Variants in MYO1F observed in about 807,000 individuals in gnomAD.
MYO1F encodes the protein myosin IF, also known as unconventional myosin-If.
In MYO1F, 60 loss-of-function variants were observed where a neutral mutation model predicts 146.6. That is an observed-to-expected ratio of 0.41 (90% confidence interval 0.33 to 0.51). The LOEUF is 0.51. Among genes scored for constraint, MYO1F ranks in the 20% least tolerant of loss-of-function variants. MYO1F has a pLI of 0.25. For missense variants in MYO1F, 1,274 were observed against 1,534.3 expected (o/e 0.83, Z 2.83); for synonymous variants, 602 against 602.1 (o/e 1.00, Z 0.00).
intron 1 of MYO1F, among the ~76,000 whole-genome samples, chr19:8,561,396 T>C (rs201247952): frequency 0.034 from 3,660 of 107,318 alleles, 82 homozygotes; most frequent in East Asian, 0.089. Context: ...CTTCTTTCCT[T>C]CCTTCCTTTC....
intron 15 of MYO1F, among the ~76,000 whole-genome samples, chr19:8,541,403 T>TTGTGTG: frequency 7.7e-6 from 1 of 130,514 alleles, no homozygotes; most frequent in Non-Finnish European, 1.5e-5. Context: ...GCTATGTTCT[T>TTGTGTG]TGTGTGTGTG....
chr19:8,526,878 C>T lies in MYO1F; in HGVS notation c.2532G>A (p.Glu844=), dbSNP rs375065925. 17 of 1,613,948 alleles carry T rather than the reference C, an allele frequency of 1.1e-5. No homozygotes were observed. The highest frequency in any genetic ancestry group is 1.4e-5 in the Non-Finnish European group (16 of 1,180,034). Residue 844 remains glutamate (E), a synonymous_variant, in exon 23 of 28, where the codon GAG becomes GAA. Coordinates refer to ENST00000644032, the MANE Select transcript of MYO1F (RefSeq NM_012335.4). ...TGACAAACTCGGTCTTGAAGACGCT[C>T]TCCAGGAAGCTGTCGGCGGCATCCT... ...LQEDAADSFL[E]SVFKTEFVSL...
chr19:8,525,515 G>C lies in MYO1F; in HGVS notation c.2818C>G (p.Gln940Glu). ...GCAGGGGCCGCCCGGGTAGGGGCTT[G>C]GGACGACCTCCGAGGTTTTCCCTTG... Reference protein sequence around the residue: ...MAKGKPRRSSQAPTRAAPAPP... With the variant: ...MAKGKPRRSSEAPTRAAPAPP... The change falls in exon 25 of 28, where the codon CAA (glutamine) becomes GAA (glutamate). Residue 940 changes from glutamine (Q) to glutamate (E), a missense_variant. By Grantham distance (29) the Gln-to-Glu change is conservative. This residue lies in a region of MYO1F where 374 missense variants were observed against 379.2 expected (regional missense o/e 0.99). Coordinates refer to ENST00000644032, the MANE Select transcript of MYO1F (RefSeq NM_012335.4). 6.2e-6 allele frequency: 10 copies of C among 1,613,532 alleles called. No homozygotes were observed. Among genetic ancestry groups the C allele is most frequent in the Non-Finnish European group, 8.5e-6 (10 of 1,179,964 alleles).
intron 1 of MYO1F, among the ~76,000 whole-genome samples, chr19:8,564,809 G>C (rs2041972677): frequency 6.6e-6 from 1 of 151,696 alleles, no homozygotes; most frequent in South Asian, 2.1e-4. Flanking sequence ...GTCTCGCTCT[G>C]TCACCCAGGC....
intron 19 of MYO1F, among the ~76,000 whole-genome samples, chr19:8,535,041 A>G (rs1240903693): frequency 1.3e-5 from 2 of 151,910 alleles, no homozygotes; most frequent in Admixed American, 6.6e-5. Flanking sequence ...CCTCCTGAGT[A>G]GCTGGTATTA....
chr19:8,571,421 C>CT (rs1293646512), intron 1 of MYO1F, among the ~76,000 whole-genome samples: 4,643 of 144,736 alleles, frequency 0.032, 204 homozygotes, highest in African/African-American at 0.099. Flanking sequence ...CTCTCTCTCT[C>CT]TTTTTTTTTT....
At chr19:8,565,212 A>G (rs2041981253) in intron 1 of MYO1F, among the ~76,000 whole-genome samples, 1 of 151,626 alleles carries the variant, frequency 6.6e-6, no homozygotes. Context: ...CATTTTCAAG[A>G]TGGGGAGACC....
intron 1 of MYO1F, among the ~76,000 whole-genome samples, chr19:8,558,794 T>C (rs1230604313): frequency 6.6e-6 from 1 of 152,018 alleles, no homozygotes; most frequent in Admixed American, 6.6e-5. Context: ...CTTTTCTCTG[T>C]CAAATGAACA....
intron 19 of MYO1F, among the ~76,000 whole-genome samples, chr19:8,531,755 C>T (rs770141031): frequency 6.6e-6 from 1 of 152,206 alleles, no homozygotes; most frequent in Non-Finnish European, 1.5e-5. Context: ...CCACGAGGTA[C>T]ACTGCCGTGT....
intron 14 of MYO1F, chr19:8,544,024 C>A: frequency 7.0e-6 from 2 of 285,032 alleles, no homozygotes; most frequent in Non-Finnish European, 1.2e-5. Context: ...GTGGCGGTGG[C>A]GGTGGCGGTG....
At chr19:8,562,500 T>C (rs748440386) in intron 1 of MYO1F, among the ~76,000 whole-genome samples, 2 of 152,028 alleles carry the variant, frequency 1.3e-5, no homozygotes, top group Non-Finnish European at 2.9e-5. Context: ...TTCAGTGTGC[T>C]AAGAGCTCAA....
intron 21 of MYO1F, among the ~76,000 whole-genome samples, chr19:8,528,806 T>C (rs1175179438): frequency 6.6e-6 from 1 of 151,904 alleles, no homozygotes; most frequent in Admixed American, 6.6e-5. Context: ...GTCAGGTAAA[T>C]AGGAGTATCT....
intron 21 of MYO1F, among the ~76,000 whole-genome samples, chr19:8,528,235 C>G (rs1224230022): frequency 7.0e-6 from 1 of 142,954 alleles, no homozygotes; most frequent in East Asian, 2.2e-4. Flanking sequence ...AACAAACAAA[C>G]AAAAAATAAC....
intron 1 of MYO1F, among the ~76,000 whole-genome samples, chr19:8,567,205 T>C (rs188151158): frequency 7.0e-4 from 107 of 151,846 alleles, no homozygotes; most frequent in Non-Finnish European, 1.3e-3. Flanking sequence ...TAGCTGGGAT[T>C]ATAGGCACCC....
At chr19:8,574,555 CTTT>C (rs2042171821) in intron 1 of MYO1F, among the ~76,000 whole-genome samples, 1 of 91,950 alleles carries the variant, frequency 1.1e-5, no homozygotes, top group African/African-American at 4.6e-5. Flanking sequence ...TTCTTTCTTT[CTTT>C]CTTTCTTTCT....
chr19:8,550,556 A>T lies in MYO1F; in HGVS notation c.904+6T>A, dbSNP rs1363739129. The T allele has an allele frequency of 6.2e-7, 1 of 1,614,032 alleles. No individual in the cohort carries two copies. The highest frequency in any genetic ancestry group is 8.5e-7 in the Non-Finnish European group (1 of 1,179,994). Reference sequence around the variant, plus strand: ...CCATCCAGCCCTCCCTGATACCCACACTCACGGTCCACACTCTCCACTCGG... The same window carrying T: ...CCATCCAGCCCTCCCTGATACCCACTCTCACGGTCCACACTCTCCACTCGG... On this transcript the variant is annotated splice_donor_region_variant and intron_variant, in intron 9 of 27. Coordinates refer to ENST00000644032, the MANE Select transcript of MYO1F (RefSeq NM_012335.4).
At chr19:8,534,017 A>G (rs933555979) in intron 19 of MYO1F, among the ~76,000 whole-genome samples, 44 of 152,098 alleles carry the variant, frequency 2.9e-4, no homozygotes, top group Admixed American at 8.5e-4. Flanking sequence ...CATCTCTATT[A>G]AAAACACAAA....
intron 1 of MYO1F, among the ~76,000 whole-genome samples, chr19:8,571,716 G>C (rs1386473893): frequency 1.3e-5 from 2 of 152,092 alleles, no homozygotes; most frequent in Non-Finnish European, 2.9e-5. Context: ...TTCTGCCTCA[G>C]CCTCCCAAGT....
chr19:8,533,805 T>G (rs1972592503), intron 19 of MYO1F, among the ~76,000 whole-genome samples: 1 of 152,194 alleles, frequency 6.6e-6, no homozygotes, highest in Non-Finnish European at 1.5e-5. Flanking sequence ...CCCAGCAGAC[T>G]ATTATAACAT....
Sources: allele counts gnomAD v4.1 joint callset (sites outside exome capture counted in the v4.1 genomes callset), GRCh38; gene constraint gnomAD v4.1.1; regional missense constraint gnomAD v4.1.1; transcripts MANE v1.5; gene names NCBI Gene and HGNC (gene_info 2026-07-23, HGNC 2026-07-21).